The following RPF2 variants were observed in gnomAD, a reference collection of about 807,000 sequenced individuals.
RPF2 encodes the protein ribosome production factor 2 homolog.
A neutral mutation model predicts 38.9 loss-of-function variants in RPF2; 21 were observed. The ratio of observed to expected loss-of-function variants is 0.54; its 90% CI spans 0.38 to 0.78. RPF2 has a LOEUF of 0.78. RPF2 is among the 30% of genes least tolerant of loss of function. The pLI, the probability that RPF2 is intolerant of heterozygous loss-of-function variation, is 0.00. For synonymous variants in RPF2, 121 were observed against 126.2 expected (o/e 0.96, Z 0.28); for missense variants, 314 against 358.1 (o/e 0.88, Z 0.99).
intron 5 of RPF2, among the ~76,000 whole-genome samples, chr6:110,998,772 G>T (rs1446817049): frequency 6.6e-6 from 1 of 151,916 alleles, no homozygotes; most frequent in Non-Finnish European, 1.5e-5. Context: ...ATAATTGGTT[G>T]CAGCCAGTGC....
intron 2 of RPF2, 113 bp from the exon 3 acceptor site, chr6:110,988,915 A>G (rs1771570018): frequency 1.5e-6 from 2 of 1,318,464 alleles, no homozygotes; most frequent in Non-Finnish European, 2.1e-6. Flanking sequence ...AAGCCCTCAG[A>G]ATAAGATTGA....
chr6:111,024,019 A>G (rs929484079), intron 8 of RPF2, among the ~76,000 whole-genome samples, 164 bp from the exon 9 acceptor site: 1 of 152,152 alleles, frequency 6.6e-6, no homozygotes, highest in African/African-American at 2.4e-5. Context: ...GAAGATGTGA[A>G]CCAAAGGATA....
intron 1 of RPF2, among the ~76,000 whole-genome samples, 165 bp from the exon 2 acceptor site, chr6:110,984,841 A>AAAAC (rs147892015): frequency 0.34 from 51,319 of 151,124 alleles, 9,650 homozygotes; most frequent in East Asian, 0.63. Context: ...CTCCATCTCA[A>AAAAC]AAACAAACAA....
chr6:110,987,472 T>C (rs17072187), intron 2 of RPF2, among the ~76,000 whole-genome samples: 6,945 of 152,290 alleles, frequency 0.046, 167 homozygotes, highest in Middle Eastern at 0.071. Flanking sequence ...CTGAATTTCA[T>C]TGTGCTAACG....
Position 110,989,015 on chromosome 6 carries a change from T to C in RPF2, c.157-13T>C, listed in dbSNP as rs771112436. The C allele has an allele frequency of 3.8e-6, 6 of 1,596,434 alleles. No homozygotes were observed. In the South Asian group the frequency reaches 6.8e-5, roughly 18 times the overall value. On this transcript the variant is annotated splice_polypyrimidine_tract_variant and intron_variant, in intron 2 of 9. Transcript: ENST00000441448. ...TGTGTTTTGTTTTGAAAGCTATAAA[T>C]TTTGTTTTACAGTATGCACTGAAAA...
At chr6:110,985,225 A>G (rs545093663) in intron 2 of RPF2, 87 bp downstream of exon 2, 1 of 1,184,428 alleles carries the variant, frequency 8.4e-7, no homozygotes, top group Admixed American at 2.2e-5. Context: ...AGAAATACGT[A>G]GATAAGCTTG....
intron 8 of RPF2, among the ~76,000 whole-genome samples, chr6:111,016,689 T>TTC (rs1224014123): frequency 2.1e-5 from 3 of 146,114 alleles, no homozygotes; most frequent in African/African-American, 5.0e-5. Flanking sequence ...TTTTCTTTCT[T>TTC]TTTTTTTTTT....
At chr6:111,004,052 AT>A (rs1771863656) in intron 6 of RPF2, among the ~76,000 whole-genome samples, 1 of 151,846 alleles carries the variant, frequency 6.6e-6, no homozygotes, top group Non-Finnish European at 1.5e-5. Context: ...ACCTCAGGTG[AT>A]CCACCCACCT....
At chr6:111,019,337 G>A (rs948304287) in intron 8 of RPF2, among the ~76,000 whole-genome samples, 8 of 152,130 alleles carry the variant, frequency 5.3e-5, no homozygotes, top group Admixed American at 2.0e-4. Flanking sequence ...CTACTCAGGC[G>A]GCTATGGCAC....
rs1454955026 is a variant in RPF2, at chr6:111,027,717, T to G, written c.*2135T>G. Reference sequence around the variant, plus strand: ...TGTTTGAGATTTGGCAATACATTTCTGTTTTCTAGGTAATTTCTGTGTCTG... The same window carrying G: ...TGTTTGAGATTTGGCAATACATTTCGGTTTTCTAGGTAATTTCTGTGTCTG... On this transcript the variant is annotated 3_prime_UTR_variant, in exon 10 of 10. Coordinates refer to ENST00000441448, the MANE Select transcript of RPF2 (RefSeq NM_032194.3). The G allele has an allele frequency of 6.6e-6, 1 of 152,274 alleles. No individual in the cohort carries two copies. The highest frequency in any genetic ancestry group is 1.9e-4 in the East Asian group (1 of 5,206). The allele number at this position is 152,274 out of a possible 1,614,324, so 9.4% of individuals were successfully genotyped here.
chr6:110,989,537 A>T (rs968101795), intron 3 of RPF2, among the ~76,000 whole-genome samples: 1 of 149,576 alleles, frequency 6.7e-6, no homozygotes, highest in Non-Finnish European at 1.5e-5. Flanking sequence ...TACAACCTCT[A>T]ACTCTGGGTT....
intron 8 of RPF2, among the ~76,000 whole-genome samples, chr6:111,018,931 T>A (rs554280041): frequency 1.3e-5 from 2 of 152,288 alleles, no homozygotes; most frequent in South Asian, 4.1e-4. Flanking sequence ...AAAAAAGTAC[T>A]CAGGACGGAC....
At chr6:111,018,214 G>GGAGGGAGAGGGAGAGGGAGAGGGA (rs531514968) in intron 8 of RPF2, among the ~76,000 whole-genome samples, 1 of 145,354 alleles carries the variant, frequency 6.9e-6, no homozygotes, top group African/African-American at 2.7e-5. Flanking sequence ...AGGGGGAGGG[G>GGAGGGAGAGGGAGAGGGAGAGGGA]GAGGGAGAGG....
At chr6:110,988,927 GC>G (rs1456469532) in intron 2 of RPF2, 100 bp from the exon 3 acceptor site, 4 of 1,408,678 alleles carry the variant, frequency 2.8e-6, no homozygotes, top group Admixed American at 2.5e-5. Flanking sequence ...TAAGATTGAG[GC>G]CCCAGAGCAA....
chr6:110,995,763 A>T (rs745330698), intron 4 of RPF2, among the ~76,000 whole-genome samples: 5 of 152,118 alleles, frequency 3.3e-5, no homozygotes, highest in Non-Finnish European at 5.9e-5. Context: ...TAGTACTCTG[A>T]AATCTGTAAT....
chr6:110,983,385 C>T (rs1240614951), intron 1 of RPF2, among the ~76,000 whole-genome samples: 4 of 151,994 alleles, frequency 2.6e-5, no homozygotes, highest in Non-Finnish European at 4.4e-5. Flanking sequence ...ATCACTCTGT[C>T]ACCCAGGCTG....
At position 110,999,775 on chromosome 6, in the gene RPF2, A is replaced by G. The variant is rs1188215795; in HGVS notation, c.381A>G (p.Leu127=). 6.4e-7 allele frequency: 1 copy of G among 1,559,890 alleles called. No homozygotes were observed. The highest frequency in any genetic ancestry group is 1.4e-5 in the African/African-American group (1 of 73,836). ...IELGIENFVS[L]KDIKNSKCPE... ...TAGGTATTGAGAATTTTGTCTCTCTAAAAGACATTAAGGTAAGATACTCAT... is the reference window on the plus strand; with the variant it reads ...TAGGTATTGAGAATTTTGTCTCTCTGAAAGACATTAAGGTAAGATACTCAT... The change falls in exon 6 of 10, where the codon CTA becomes CTG. Residue 127 remains leucine (L), a synonymous_variant. Transcript: ENST00000441448.
At position 110,997,246 on chromosome 6, in the gene RPF2, C is replaced by A; in HGVS notation, c.298C>A (p.Pro100Thr). Residue 100 changes from proline to threonine, a missense_variant, in exon 5 of 10, where the codon CCA becomes ACA. By Grantham distance (38) the Pro-to-Thr change is conservative. Coordinates refer to ENST00000441448, the MANE Select transcript of RPF2 (RefSeq NM_032194.3). ...FMFGSHNKKR[P>T]NNLVIGRMYD... ...GTTTGGCTCCCATAATAAGAAGCGG[C>A]CAAATAATCTAGTAATAGGTAAGTA... 1 of 1,592,562 alleles carries A rather than the reference C, an allele frequency of 6.3e-7. No individual in the cohort carries two copies. Among genetic ancestry groups the A allele is most frequent in the Non-Finnish European group, 8.6e-7 (1 of 1,162,338 alleles).
intron 8 of RPF2, among the ~76,000 whole-genome samples, chr6:111,022,650 A>G (rs1424341394): frequency 6.6e-6 from 1 of 152,234 alleles, no homozygotes; most frequent in African/African-American, 2.4e-5. Context: ...AAATTATTAT[A>G]TGCACCCTGA....
Sources: gnomAD v4.1 joint callset for allele counts (sites outside exome capture counted in the v4.1 genomes callset) on GRCh38, gnomAD v4.1.1 for gene constraint, MANE v1.5 for transcripts, NCBI Gene and HGNC (gene_info 2026-07-23, HGNC 2026-07-21) for gene names.